RAB3GAP1: variants seen among roughly 807,000 people sequenced by gnomAD.
The protein encoded by RAB3GAP1 is RAB3 GTPase activating protein catalytic subunit 1.
Under a neutral mutation model 130.7 loss-of-function variants are expected in RAB3GAP1, and 86 were observed. The observed-to-expected ratio is 0.66, with a 90% CI of 0.55 to 0.79. The LOEUF is 0.79. Ranked by LOEUF, RAB3GAP1 falls within the 30% of genes least tolerant of loss-of-function variation. The pLI is 0.00. For missense variants in RAB3GAP1, 1,029 were observed against 1,169.4 expected (o/e 0.88, Z 1.75); for synonymous variants, 367 against 401.7 (o/e 0.91, Z 1.03).
chr2:135,080,143 GTTAATAC>G (rs1179689183), intron 3 of RAB3GAP1, among the ~76,000 whole-genome samples: 1 of 150,350 alleles, frequency 6.7e-6, no homozygotes, highest in Non-Finnish European at 1.5e-5. Flanking sequence ...AAAAAATGAG[GTTAATAC>G]TTAACCTCAT....
chr2:135,117,448 C>A (rs1160048869), intron 7 of RAB3GAP1, among the ~76,000 whole-genome samples: 2 of 120,198 alleles, frequency 1.7e-5, no homozygotes, highest in East Asian at 3.3e-4. Context: ...TCTTCTTCTT[C>A]TTCTTCTGCT....
At chr2:135,151,524 C>T (rs981116564) in intron 18 of RAB3GAP1, among the ~76,000 whole-genome samples, 1 of 152,152 alleles carries the variant, frequency 6.6e-6, no homozygotes, top group Non-Finnish European at 1.5e-5. Flanking sequence ...CTTATTTTAC[C>T]CATCTTTTCT....
chr2:135,081,399 T>G (rs1488504208), intron 3 of RAB3GAP1, among the ~76,000 whole-genome samples: 2 of 143,074 alleles, frequency 1.4e-5, no homozygotes, highest in African/African-American at 2.6e-5. Flanking sequence ...TATGTATATA[T>G]GTGTGTGTAT....
chr2:135,109,972 C>T (rs1050613039), intron 5 of RAB3GAP1, among the ~76,000 whole-genome samples: 8 of 151,566 alleles, frequency 5.3e-5, no homozygotes, highest in Non-Finnish European at 8.8e-5. Flanking sequence ...TGTTGATTTT[C>T]GCTTATTTTT....
intron 2 of RAB3GAP1, among the ~76,000 whole-genome samples, chr2:135,055,430 C>A (rs1236137188): frequency 6.6e-6 from 1 of 152,098 alleles, no homozygotes; most frequent in Non-Finnish European, 1.5e-5. Context: ...GTAATCCCAG[C>A]ACTTAGAGAG....
chr2:135,117,594 GCTGCTTCTTCTGCTT>G (rs1691039057), intron 7 of RAB3GAP1, among the ~76,000 whole-genome samples: 1 of 19,134 alleles, frequency 5.2e-5, no homozygotes, highest in South Asian at 2.0e-3. Flanking sequence ...TTCTTCTTCT[GCTGCTTCTTCTGCTT>G]CTTCTGCTTC....
intron 3 of RAB3GAP1, among the ~76,000 whole-genome samples, chr2:135,060,690 G>A (rs1300070626): frequency 6.6e-6 from 1 of 151,536 alleles, no homozygotes; most frequent in Non-Finnish European, 1.5e-5. Flanking sequence ...CCAGTCATCT[G>A]CTATTATTAT....
chr2:135,133,732 T>G (rs1691608652), intron 14 of RAB3GAP1, 129 bp from the exon 15 acceptor site: 14 of 756,492 alleles, frequency 1.9e-5, no homozygotes, highest in Non-Finnish European at 2.7e-5. Context: ...GTATTAGACA[T>G]TTGATAATGC....
At chr2:135,164,462 T>G in intron 22 of RAB3GAP1, 132 bp from the exon 23 acceptor site, 1 of 703,544 alleles carries the variant, frequency 1.4e-6, no homozygotes, top group East Asian at 2.8e-5. Context: ...CTGTAAAATT[T>G]CACTCCAACC....
intron 3 of RAB3GAP1, among the ~76,000 whole-genome samples, chr2:135,065,756 G>A (rs1053643412): frequency 6.6e-6 from 1 of 150,530 alleles, no homozygotes; most frequent in Non-Finnish European, 1.5e-5. Flanking sequence ...TCTAATACGG[G>A]ATCTTCACTA....
At chr2:135,087,972 T>C (rs1401382288) in intron 3 of RAB3GAP1, among the ~76,000 whole-genome samples, 1 of 152,190 alleles carries the variant, frequency 6.6e-6, no homozygotes, top group East Asian at 1.9e-4. Context: ...TGGTATCAAG[T>C]GACTATATCC....
rs1416121597 is a variant in RAB3GAP1, at chr2:135,117,624, TCTTCTG to T, written c.648+2255_648+2260del. Reference sequence around the variant, plus strand: ...TTCTTCTGCTTCTTCTGCTTCTGCTTCTTCTGCTTCTGCTTCTTCTTCTGCTTCTGC... The same window carrying T: ...TTCTTCTGCTTCTTCTGCTTCTGCTTCTTCTGCTTCTTCTTCTGCTTCTGC... On this transcript the variant is annotated intron_variant, in intron 7 of 23. Transcript: ENST00000264158. Among the ~76,000 whole-genome samples the T allele has an allele frequency of 2.5e-3, 367 of 149,364 alleles. 2 individuals are homozygous for T. Among genetic ancestry groups the T allele is most frequent in the African/African-American group, 8.4e-3 (336 of 39,978 alleles).
chr2:135,163,407 T>C (rs183405661), intron 22 of RAB3GAP1, among the ~76,000 whole-genome samples: 186 of 152,344 alleles, frequency 1.2e-3, no homozygotes, highest in African/African-American at 4.2e-3. Flanking sequence ...CTGTTAACTG[T>C]GTTGCTCACC....
chr2:135,110,596 T>C (rs1339041650), intron 5 of RAB3GAP1, among the ~76,000 whole-genome samples: 1 of 152,238 alleles, frequency 6.6e-6, no homozygotes, highest in African/African-American at 2.4e-5. Context: ...TATTCATGGC[T>C]TGTATACAGT....
At chr2:135,091,828 T>G (rs1408146883) in intron 4 of RAB3GAP1, among the ~76,000 whole-genome samples, 2 of 152,186 alleles carry the variant, frequency 1.3e-5, no homozygotes, top group African/African-American at 4.8e-5. Flanking sequence ...TCTTCTGTCC[T>G]TAGATAAACT....
intron 5 of RAB3GAP1, among the ~76,000 whole-genome samples, chr2:135,107,325 A>T (rs1397211944): frequency 6.6e-6 from 1 of 152,124 alleles, no homozygotes; most frequent in Admixed American, 6.5e-5. Context: ...CTCATAATTT[A>T]AAAAAAGCGT....
chr2:135,104,649 T>A (rs1268482741), intron 5 of RAB3GAP1, among the ~76,000 whole-genome samples: 1 of 151,554 alleles, frequency 6.6e-6, no homozygotes, highest in African/African-American at 2.4e-5. Flanking sequence ...GGTCAAGAGT[T>A]CAAGACCAGC....
chr2:135,124,077 T>C (rs1214245948), intron 8 of RAB3GAP1, 88 bp from the exon 9 acceptor site: 7 of 1,283,510 alleles, frequency 5.5e-6, no homozygotes, highest in East Asian at 4.7e-5. Context: ...GCAGACACTT[T>C]TAAAGCTATG....
chr2:135,162,636 A>G lies in RAB3GAP1; in HGVS notation c.2371A>G (p.Lys791Glu). 1 of 1,613,910 alleles carries G rather than the reference A, an allele frequency of 6.2e-7. No individual in the cohort carries two copies. The highest frequency in any genetic ancestry group is 1.3e-5 in the African/African-American group (1 of 75,058). ...TTGTGTGATTCATGCAGCTGTACTC[A>G]AGGTAAAGGAAGAAGGTAAATGTCA... Reference protein sequence around the residue: ...LPCVIHAAVLKVKEEESLENI... With the variant: ...LPCVIHAAVLEVKEEESLENI... Residue 791 changes from lysine (K) to glutamate (E), a missense_variant, in exon 20 of 24, where the codon AAG becomes GAG. Physicochemically the swap from Lys to Glu is moderately conservative, Grantham distance 56 (BLOSUM62 1). This residue lies in a region of RAB3GAP1 where 373 missense variants were observed against 493.6 expected (regional missense o/e 0.76). Coordinates refer to ENST00000264158, the MANE Select transcript of RAB3GAP1 (RefSeq NM_012233.3).
Sources: gnomAD v4.1 joint callset for allele counts (sites outside exome capture counted in the v4.1 genomes callset) on GRCh38, gnomAD v4.1.1 for gene constraint, gnomAD v4.1.1 regional missense constraint, MANE v1.5 for transcripts, NCBI Gene and HGNC (gene_info 2026-07-23, HGNC 2026-07-21) for gene names.